The following RGS7BP variants were observed in gnomAD, a reference collection of about 807,000 sequenced individuals.
The protein encoded by RGS7BP is regulator of G protein signaling 7-binding protein.
In RGS7BP, 9 loss-of-function variants were observed where a neutral mutation model predicts 31.3. The ratio of observed to expected loss-of-function variants is 0.29; its 90% CI spans 0.17 to 0.50. The LOEUF (loss-of-function observed/expected upper bound fraction) is 0.50, where lower values mean the gene tolerates loss of function less well. Ranked by LOEUF, RGS7BP falls within the 20% of genes least tolerant of loss-of-function variation. RGS7BP has a pLI of 0.98. For missense variants in RGS7BP, 274 were observed against 322.0 expected (o/e 0.85, Z 1.14); for synonymous variants, 115 against 120.1 (o/e 0.96, Z 0.28).
At chr5:64,563,406 G>T (rs539523380) in intron 2 of RGS7BP, among the ~76,000 whole-genome samples, 161 of 152,170 alleles carry the variant, frequency 1.1e-3, no homozygotes, top group African/African-American at 3.6e-3. Context: ...GATATAATTT[G>T]TTAAGATGAA....
chr5:64,554,165 AAGG>A (rs1230360301), intron 2 of RGS7BP, among the ~76,000 whole-genome samples: 1 of 152,136 alleles, frequency 6.6e-6, no homozygotes, highest in Admixed American at 6.6e-5. Context: ...CATTGGAAGG[AAGG>A]AGAAGAGTTA....
intron 2 of RGS7BP, among the ~76,000 whole-genome samples, chr5:64,544,806 G>T (rs1237586480): frequency 2.0e-5 from 3 of 152,154 alleles, no homozygotes; most frequent in Non-Finnish European, 4.4e-5. Context: ...TGAATCTAAG[G>T]CCGTAGTAAT....
At chr5:64,526,632 G>A (rs903328243) in intron 2 of RGS7BP, among the ~76,000 whole-genome samples, 3 of 152,116 alleles carry the variant, frequency 2.0e-5, no homozygotes, top group Non-Finnish European at 2.9e-5. Context: ...GTCCTAGTCC[G>A]ACTGATACCT....
At chr5:64,598,078 T>C (rs1468911281) in intron 4 of RGS7BP, among the ~76,000 whole-genome samples, 3 of 152,184 alleles carry the variant, frequency 2.0e-5, no homozygotes, top group African/African-American at 7.2e-5. Flanking sequence ...CCAATGGCTC[T>C]TCTCTGATCT....
chr5:64,544,590 C>A (rs1741605355), intron 2 of RGS7BP, among the ~76,000 whole-genome samples: 2 of 151,746 alleles, frequency 1.3e-5, no homozygotes, highest in Non-Finnish European at 2.9e-5. Flanking sequence ...AGGAGGGTCA[C>A]TTGAGCCCAG....
At chr5:64,507,488 G>A (rs1220009904) in intron 1 of RGS7BP, among the ~76,000 whole-genome samples, 1 of 152,142 alleles carries the variant, frequency 6.6e-6, no homozygotes, top group East Asian at 1.9e-4. Context: ...TCTGGAAATA[G>A]AGCTTCCATG....
At chr5:64,567,725 T>A (rs1311874752) in intron 2 of RGS7BP, among the ~76,000 whole-genome samples, 2 of 152,152 alleles carry the variant, frequency 1.3e-5, no homozygotes. Flanking sequence ...ACTAACTTAA[T>A]GACATAATTA....
chr5:64,605,765 C>G (rs1344120743), intron 5 of RGS7BP, among the ~76,000 whole-genome samples: 1 of 151,854 alleles, frequency 6.6e-6, no homozygotes, highest in African/African-American at 2.4e-5. Flanking sequence ...GGCAGCCTGA[C>G]CTTTCTTCAT....
In RGS7BP at chr5:64,595,984, C is replaced by T. The variant is rs181669067; in HGVS notation, c.611+1127C>T. Among the ~76,000 whole-genome samples the T allele has an allele frequency of 2.7e-3, 406 of 152,186 alleles. 1 individual carries two copies. Among genetic ancestry groups the T allele is most frequent in the African/African-American group, 9.4e-3 (389 of 41,532 alleles). ...AAAGCTGTTTGGCACCGTTTGATGG[C>T]ACTATAGACAAATGATGAGGGAGTG... On this transcript the variant is annotated intron_variant, in intron 4 of 5. Coordinates refer to ENST00000334025, the MANE Select transcript of RGS7BP (RefSeq NM_001029875.3).
chr5:64,599,697 C>T (rs1361203461), intron 5 of RGS7BP, among the ~76,000 whole-genome samples: 1 of 152,202 alleles, frequency 6.6e-6, no homozygotes, highest in Non-Finnish European at 1.5e-5. Flanking sequence ...GCTCTGACCA[C>T]CACATGGAAG....
At chr5:64,519,780 A>C (rs1281988446) in intron 2 of RGS7BP, among the ~76,000 whole-genome samples, 1 of 152,210 alleles carries the variant, frequency 6.6e-6, no homozygotes, top group Non-Finnish European at 1.5e-5. Flanking sequence ...GTTTACCTAC[A>C]ACCTGGGAAG....
At chr5:64,565,264 G>A (rs1283304609) in intron 2 of RGS7BP, among the ~76,000 whole-genome samples, 1 of 152,004 alleles carries the variant, frequency 6.6e-6, no homozygotes, top group African/African-American at 2.4e-5. Context: ...GTGGTATGTT[G>A]TTAGGTAAAA....
intron 2 of RGS7BP, among the ~76,000 whole-genome samples, chr5:64,514,302 G>C (rs942039460): frequency 1.3e-5 from 2 of 152,136 alleles, no homozygotes; most frequent in Non-Finnish European, 2.9e-5. Context: ...GAGGTACTGG[G>C]TGGTTAGGAC....
At chr5:64,575,933 C>A (rs760338543) in intron 3 of RGS7BP, 29 bp downstream of exon 3, 3 of 1,596,574 alleles carry the variant, frequency 1.9e-6, no homozygotes, top group Non-Finnish European at 1.7e-6. Flanking sequence ...GCCGGAAACA[C>A]TGAGGAATGT....
At chr5:64,585,981 G>C (rs1220524390) in intron 3 of RGS7BP, among the ~76,000 whole-genome samples, 1 of 152,050 alleles carries the variant, frequency 6.6e-6, no homozygotes, top group Non-Finnish European at 1.5e-5. Context: ...GGATTTTTCA[G>C]GGGACAGAGT....
intron 2 of RGS7BP, among the ~76,000 whole-genome samples, chr5:64,543,083 G>A (rs1741565274): frequency 6.6e-6 from 1 of 152,152 alleles, no homozygotes; most frequent in African/African-American, 2.4e-5. Context: ...GAGTATATAT[G>A]ATATATACAG....
chr5:64,541,633 T>A (rs975273305), intron 2 of RGS7BP, among the ~76,000 whole-genome samples: 1 of 152,248 alleles, frequency 6.6e-6, no homozygotes, highest in Non-Finnish European at 1.5e-5. Context: ...GTATCTCATT[T>A]TTTCACTGAG....
At chr5:64,516,655 G>A (rs952055506) in intron 2 of RGS7BP, among the ~76,000 whole-genome samples, 3 of 152,124 alleles carry the variant, frequency 2.0e-5, no homozygotes, top group African/African-American at 4.8e-5. Context: ...GGATGTCCTC[G>A]GACCTGAAGA....
intron 5 of RGS7BP, among the ~76,000 whole-genome samples, chr5:64,601,158 G>C (rs1164874657): frequency 7.2e-5 from 11 of 152,218 alleles, no homozygotes; most frequent in African/African-American, 2.6e-4. Context: ...AAAGCCATCT[G>C]TTTTCTTTCT....
Sources: allele counts gnomAD v4.1 joint callset (sites outside exome capture counted in the v4.1 genomes callset), GRCh38; gene constraint gnomAD v4.1.1; transcripts MANE v1.5; gene names NCBI Gene and HGNC (gene_info 2026-07-23, HGNC 2026-07-21).